WDR13: variants seen among roughly 807,000 people sequenced by gnomAD.
WDR13 encodes WD repeat-containing protein 13.
WDR13 carries 1 observed loss-of-function variant against 28.6 expected under a neutral mutation model. The ratio of observed to expected loss-of-function variants is 0.03; its 90% CI spans 0.01 to 0.17. WDR13 has a LOEUF of 0.17. WDR13 is among the 10% of genes least tolerant of loss of function. The pLI is 1.00. For missense variants in WDR13, 264 were observed against 469.3 expected (o/e 0.56, Z 4.04); for synonymous variants, 201 against 185.9 (o/e 1.08, Z -0.66).
intron 2 of WDR13, 74 bp from the exon 3 acceptor site, chrX:48,598,643 C>CGGGGGGGGGGGGGGGGGGGG: frequency 1.8e-6 from 2 of 1,086,121 alleles, no homozygotes; most frequent in Non-Finnish European, 2.4e-6. Flanking sequence ...ACTCTCCTGC[C>CGGGGGGGGGGGGGGGGGGGG]GTACCCCCCC....
intron 8 of WDR13, 40 bp from the exon 9 acceptor site, chrX:48,604,232 G>C: frequency 8.6e-7 from 1 of 1,161,386 alleles, no homozygotes; most frequent in Non-Finnish European, 1.2e-6. Context: ...TCCCTGCTAG[G>C]GCTGGGGCTG....
intron 2 of WDR13, 152 bp downstream of exon 2, chrX:48,598,189 G>T (rs2062156195): frequency 1.8e-6 from 2 of 1,131,767 alleles, no homozygotes; most frequent in Admixed American, 7.1e-5. Context: ...GCACGCCCGC[G>T]GTGAGTTGGC....
chrX:48,598,390 C>G (rs1280094165), intron 2 of WDR13: 1 of 1,009,086 alleles, frequency 9.9e-7, no homozygotes, highest in Non-Finnish European at 1.2e-6. Flanking sequence ...CCAACGCTGA[C>G]CCCCATAATG....
At position 48,599,448 on chromosome X, in the gene WDR13, C is replaced by T. The variant is rs1331625233; in HGVS notation, c.378C>T (p.Ala126=). ...SYQLQAQMNR[A]VYEDRPPGSV... is the part of the protein sequence containing the mutation. The stretch of plus-strand genomic sequence containing the variant: ...AGCTGCAGGCGCAGATGAACCGTGC[C>T]GTCTATGAGGACAGGTATGCACCAG... The change falls in exon 4 of 10, where the codon GCC becomes GCT. Residue 126 remains alanine, a synonymous_variant. Coordinates refer to ENST00000376729, the MANE Select transcript of WDR13 (RefSeq NM_001347217.2). 2.5e-6 allele frequency: 3 copies of T among 1,209,422 alleles called. No individual in the cohort carries two copies. Among genetic ancestry groups the T allele is most frequent in the Non-Finnish European group, 3.4e-6 (3 of 893,910 alleles).
intron 2 of WDR13, 110 bp from the exon 3 acceptor site, chrX:48,598,607 A>G: frequency 3.6e-6 from 4 of 1,097,303 alleles, no homozygotes; most frequent in Non-Finnish European, 3.6e-6. Context: ...CTTACCACCT[A>G]GGCCCCAGTC....
At chrX:48,600,281 G>A (rs2062174254) in intron 5 of WDR13, 38 bp from the exon 6 acceptor site, 1 of 1,159,010 alleles carries the variant, frequency 8.6e-7, no homozygotes, top group Non-Finnish European at 1.1e-6. Flanking sequence ...TGCCCAGTGA[G>A]TGTGCAGATT....
intron 3 of WDR13, 62 bp from the exon 4 acceptor site, chrX:48,599,291 A>G (rs2062165797): frequency 2.1e-6 from 2 of 936,836 alleles, no homozygotes; most frequent in African/African-American, 2.0e-5. Context: ...TCAGGGCTCC[A>G]CACCTCAAAG....
chrX:48,601,044 G>A (rs782124834), intron 6 of WDR13, among the ~76,000 whole-genome samples: 6 of 111,796 alleles, frequency 5.4e-5, no homozygotes, highest in Admixed American at 4.7e-4. Context: ...GCAGTGAGCC[G>A]AGATGGCACC....
At chrX:48,604,538 TCA>T in intron 9 of WDR13, 148 bp downstream of exon 9, 1 of 509,384 alleles carries the variant, frequency 2.0e-6, no homozygotes, top group East Asian at 3.7e-5. Flanking sequence ...ACTGTGGAAC[TCA>T]CAGCTCCAAA....
chrX:48,603,707 A>G (rs1319672516), intron 8 of WDR13, among the ~76,000 whole-genome samples: 5 of 110,681 alleles, frequency 4.5e-5, no homozygotes, highest in Middle Eastern at 4.6e-3. Flanking sequence ...TCACCAGGCA[A>G]TGCCTTGTGG....
intron 2 of WDR13, chrX:48,598,385 G>A: frequency 1.0e-6 from 1 of 1,004,711 alleles, no homozygotes; most frequent in Non-Finnish European, 1.3e-6. Context: ...ACCTCCCAAC[G>A]CTGACCCCCA....
rs1192514565 is a variant in WDR13, at chrX:48,600,371, A to G, written c.576A>G (p.Ser192=). 2 of 1,207,735 alleles carry G rather than the reference A, an allele frequency of 1.7e-6. No homozygotes were observed. The highest frequency in any genetic ancestry group is 1.7e-5 in the African/African-American group (1 of 57,495). Residue 192 remains serine, a synonymous_variant, in exon 6 of 10, where the codon TCA becomes TCG. Coordinates refer to ENST00000376729, the MANE Select transcript of WDR13 (RefSeq NM_001347217.2). ...ACCGACACCGCCTGGCCTGCTGCTC[A>G]CTCGACGGCAGCATCTCCCTGTGCC... ...NDDRHRLACC[S]LDGSISLCQL... is the part of the protein sequence containing the mutation.
chrX:48,598,668 A>C, intron 2 of WDR13, 49 bp from the exon 3 acceptor site: 3 of 469,327 alleles, frequency 6.4e-6, no homozygotes, highest in East Asian at 9.6e-5. Flanking sequence ...GAGCTGATTG[A>C]TTCCCTCTGT....
chrX:48,603,608 A>G (rs1158108004), intron 8 of WDR13, among the ~76,000 whole-genome samples: 3 of 111,724 alleles, frequency 2.7e-5, no homozygotes, highest in Non-Finnish European at 5.7e-5. Context: ...AGATCGTGCC[A>G]TTGCACTCCA....
rs782467375 is a variant in WDR13, at chrX:48,599,375, C to T, written c.305C>T (p.Ala102Val). 14 of 1,202,141 alleles carry T rather than the reference C, an allele frequency of 1.2e-5. No individual in the cohort carries two copies. In the South Asian group the frequency reaches 2.2e-4, roughly 19 times the overall value. ...RMEDFEDDPR[A>V]LGARGHRRSV... is the part of the protein sequence containing the mutation. ...CAGGACTTTGAGGATGATCCTCGGG[C>T]CCTGGGGGCCCGTGGGCACCGTCGT... Residue 102 changes from alanine to valine, a missense_variant, in exon 4 of 10, where the codon GCC becomes GTC. Ala to Val is a moderately conservative substitution (Grantham distance 64). This residue lies in a region of WDR13 where 74 missense variants were observed against 89.3 expected (regional missense o/e 0.83). Transcript: ENST00000376729.
intron 8 of WDR13, among the ~76,000 whole-genome samples, chrX:48,603,509 A>T (rs1409675002): frequency 9.0e-6 from 1 of 111,724 alleles, no homozygotes; most frequent in East Asian, 2.8e-4. Context: ...TTAGCTGGGC[A>T]TGGTGGCAGG....
rs150435901 is a variant in WDR13 at position 48,608,297 on chromosome X, T to C, written c.*3265T>C. The C allele has an allele frequency of 2.7e-5, 3 of 110,236 alleles. No homozygotes were observed. The highest frequency in any genetic ancestry group is 9.9e-5 in the African/African-American group (3 of 30,226). 9.1% of individuals were successfully genotyped at this position (110,236 alleles called of 1,213,427 possible). On this transcript the variant is annotated 3_prime_UTR_variant, in exon 10 of 10. Coordinates refer to ENST00000376729, the MANE Select transcript of WDR13 (RefSeq NM_001347217.2). ...CACCACCATGACCCCAGCTGATTTT[T>C]GCAGAGATGGGTTTTGCCATGTTGC...
intron 8 of WDR13, among the ~76,000 whole-genome samples, chrX:48,603,219 T>C (rs1449149386): frequency 8.9e-6 from 1 of 112,443 alleles, no homozygotes; most frequent in Admixed American, 9.4e-5. Flanking sequence ...GGTTTTGCTG[T>C]GTTACTCAGT....
In WDR13 at chrX:48,608,258, G is replaced by A. The variant is rs1556996398; in HGVS notation, c.*3226G>A. The A allele has an allele frequency of 9.1e-6, 1 of 109,504 alleles. No homozygotes were observed. The highest frequency in any genetic ancestry group is 3.3e-5 in the African/African-American group (1 of 29,959). 9.0% of individuals were successfully genotyped at this position (109,504 alleles called of 1,213,427 possible). A position where few individuals can be genotyped will look rare whatever the true frequency, so the allele number is the denominator to read the frequency against. ...GCTGCCTCATCCTCCAAAGTAGCTG[G>A]GACCACAGACATGCACCACCATGAC... On this transcript the variant is annotated 3_prime_UTR_variant, in exon 10 of 10. Transcript: ENST00000376729.
Sources: gnomAD v4.1 joint callset for allele counts (sites outside exome capture counted in the v4.1 genomes callset) on GRCh38, gnomAD v4.1.1 for gene constraint, gnomAD v4.1.1 regional missense constraint, MANE v1.5 for transcripts, NCBI Gene and HGNC (gene_info 2026-07-23, HGNC 2026-07-21) for gene names.